Variants in NUMB observed in about 807,000 individuals in gnomAD.
NUMB encodes the protein protein numb homolog.
NUMB carries 29 observed loss-of-function variants against 59.7 expected under a neutral mutation model. That is an observed-to-expected ratio of 0.49 (90% CI 0.36 to 0.66). The LOEUF is 0.66. Among genes scored for constraint, NUMB ranks in the 30% least tolerant of loss-of-function variants. The pLI is 0.00. For synonymous variants in NUMB, 288 were observed against 288.2 expected (o/e 1.00, Z 0.01); for missense variants, 723 against 822.0 (o/e 0.88, Z 1.47).
intron 12 of NUMB, 24 bp downstream of exon 12, chr14:73,279,257 C>T (rs1888432825): frequency 1.9e-6 from 3 of 1,614,090 alleles, no homozygotes; most frequent in Non-Finnish European, 2.5e-6. Flanking sequence ...CCAGAATCCT[C>T]AACACCATCT....
chr14:73,339,005 G>C (rs1483978569), intron 4 of NUMB, among the ~76,000 whole-genome samples: 1 of 152,090 alleles, frequency 6.6e-6, no homozygotes, highest in Non-Finnish European at 1.5e-5. Flanking sequence ...AATCCACTGT[G>C]GTATATGAGT....
chr14:73,410,461 T>TA (rs1226183136), intron 1 of NUMB, among the ~76,000 whole-genome samples: 1 of 152,206 alleles, frequency 6.6e-6, no homozygotes, highest in African/African-American at 2.4e-5. Flanking sequence ...AGAACTTTGA[T>TA]ACGTCTCTAT....
intron 1 of NUMB, among the ~76,000 whole-genome samples, chr14:73,450,214 T>C (rs1883826737): frequency 6.6e-6 from 1 of 152,236 alleles, no homozygotes; most frequent in African/African-American, 2.4e-5. Flanking sequence ...ATCACCCTGA[T>C]GTGGAGGATA....
At chr14:73,421,160 A>G (rs893529205) in intron 1 of NUMB, among the ~76,000 whole-genome samples, 4 of 152,004 alleles carry the variant, frequency 2.6e-5, no homozygotes, top group African/African-American at 9.7e-5. Context: ...AAAGAAAAGG[A>G]AAGTTTTTTT....
intron 2 of NUMB, among the ~76,000 whole-genome samples, chr14:73,407,106 G>A (rs1896707545): frequency 6.6e-6 from 1 of 151,762 alleles, no homozygotes; most frequent in Non-Finnish European, 1.5e-5. Flanking sequence ...GCCTCCCAAG[G>A]TGCTGGGATG....
intron 3 of NUMB, 151 bp from the exon 4 acceptor site, chr14:73,355,917 G>A: frequency 1.8e-6 from 1 of 564,422 alleles, no homozygotes; most frequent in Non-Finnish European, 3.1e-6. Flanking sequence ...TAAGCACAGT[G>A]TAAAGGGAAA....
chr14:73,331,655 G>C (rs979709647), intron 4 of NUMB, among the ~76,000 whole-genome samples: 9 of 152,130 alleles, frequency 5.9e-5, no homozygotes, highest in Non-Finnish European at 1.3e-4. Flanking sequence ...TCAAGGGCAC[G>C]ACAAGGTGGA....
chr14:73,432,510 T>C (rs1428141169), intron 1 of NUMB, among the ~76,000 whole-genome samples: 2 of 152,104 alleles, frequency 1.3e-5, no homozygotes, highest in African/African-American at 4.8e-5. Flanking sequence ...ATTTCAGCAT[T>C]AAAAAAACTT....
intron 2 of NUMB, among the ~76,000 whole-genome samples, chr14:73,388,836 G>A (rs1424191558): frequency 6.6e-6 from 1 of 152,070 alleles, no homozygotes; most frequent in Non-Finnish European, 1.5e-5. Flanking sequence ...AGTGGCTCAC[G>A]CCTGTAATCC....
At chr14:73,357,818 CAAGTAT>C (rs1232969786) in intron 3 of NUMB, among the ~76,000 whole-genome samples, 1 of 150,130 alleles carries the variant, frequency 6.7e-6, no homozygotes, top group African/African-American at 2.5e-5. Context: ...GACACAAATA[CAAGTAT>C]AAGAAAATGA....
chr14:73,284,353 A>T lies in NUMB; in HGVS notation c.677T>A (p.Val226Asp). ...AKKAETDKIV[V>D]GSSVAPGNTA... Reference sequence around the variant, plus strand: ...GTTGCCAGGGGCAACTGATGAACCAACGACTATCTTATCTGTTTCAGCTCA... The same window carrying T: ...GTTGCCAGGGGCAACTGATGAACCATCGACTATCTTATCTGTTTCAGCTCA... Residue 226 changes from valine to aspartate, a missense_variant, in exon 10 of 13, where the codon GTT (valine) becomes GAT (aspartate). Physicochemically the swap from Val to Asp is radical, Grantham distance 152. This residue lies in a region of NUMB where 317 missense variants were observed against 436.6 expected (regional missense o/e 0.73). Transcript: ENST00000555238. 6.2e-7 allele frequency: 1 copy of T among 1,613,780 alleles called. No homozygotes were observed. The highest frequency in any genetic ancestry group is 8.5e-7 in the Non-Finnish European group (1 of 1,179,696).
chr14:73,386,919 C>T (rs1278203618), intron 2 of NUMB, among the ~76,000 whole-genome samples: 2 of 116,040 alleles, frequency 1.7e-5, no homozygotes, highest in Admixed American at 1.2e-4. Context: ...CTCGCTCTGT[C>T]GCCCAGGCTG....
At chr14:73,383,924 G>A (rs930910243) in intron 2 of NUMB, among the ~76,000 whole-genome samples, 4 of 152,094 alleles carry the variant, frequency 2.6e-5, no homozygotes, top group African/African-American at 9.7e-5. Flanking sequence ...GGCTGAGGCA[G>A]AGGAACCGCT....
At chr14:73,442,911 G>A (rs922335852) in intron 1 of NUMB, among the ~76,000 whole-genome samples, 3 of 151,836 alleles carry the variant, frequency 2.0e-5, no homozygotes, top group Admixed American at 2.0e-4. Flanking sequence ...CGTCCCATCT[G>A]GAGTGTAGTG....
intron 6 of NUMB, among the ~76,000 whole-genome samples, chr14:73,305,240 T>C (rs1890362643): frequency 6.6e-6 from 1 of 152,162 alleles, no homozygotes; most frequent in Non-Finnish European, 1.5e-5. Context: ...ATGACTGTGT[T>C]CCAATAACAT....
At chr14:73,318,488 G>A (rs181571498) in intron 5 of NUMB, among the ~76,000 whole-genome samples, 88 of 152,318 alleles carry the variant, frequency 5.8e-4, no homozygotes, top group Non-Finnish European at 1.1e-3. Flanking sequence ...AACTAAGACA[G>A]AGGGAGAGAC....
At chr14:73,372,343 T>TATA (rs1555375730) in intron 2 of NUMB, among the ~76,000 whole-genome samples, 1 of 100,784 alleles carries the variant, frequency 9.9e-6, no homozygotes, top group Non-Finnish European at 2.0e-5. Flanking sequence ...ATATAACCTT[T>TATA]TATATATATA....
At chr14:73,290,634 C>T (rs1889328399) in intron 8 of NUMB, among the ~76,000 whole-genome samples, 1 of 152,220 alleles carries the variant, frequency 6.6e-6, no homozygotes, top group South Asian at 2.1e-4. Flanking sequence ...GACCTGTAAC[C>T]TTCACGAATG....
intron 7 of NUMB, among the ~76,000 whole-genome samples, chr14:73,293,781 G>C (rs532893454): frequency 1.2e-4 from 18 of 152,280 alleles, no homozygotes; most frequent in Non-Finnish European, 2.2e-4. Context: ...ACTGAGTATA[G>C]TTATAATGCC....
Sources: allele counts gnomAD v4.1 joint callset (sites outside exome capture counted in the v4.1 genomes callset), GRCh38; gene constraint gnomAD v4.1.1; regional missense constraint gnomAD v4.1.1; transcripts MANE v1.5; gene names NCBI Gene and HGNC (gene_info 2026-07-23, HGNC 2026-07-21).